HECTD4: variants seen among roughly 807,000 people sequenced by gnomAD.
HECTD4 encodes HECT domain E3 ubiquitin protein ligase 4.
A neutral mutation model predicts 471.5 loss-of-function variants in HECTD4; 114 were observed. That is an observed-to-expected ratio of 0.24 (90% CI 0.21 to 0.28). The LOEUF (loss-of-function observed/expected upper bound fraction) is 0.28, where lower values mean the gene tolerates loss of function less well. HECTD4 is among the 10% of genes least tolerant of loss of function. HECTD4 has a pLI of 1.00. For missense variants in HECTD4, 3,866 were observed against 5,651.5 expected (o/e 0.68, Z 10.13); for synonymous variants, 2,012 against 2,256.0 (o/e 0.89, Z 3.07).
Position 112,162,632 on chromosome 12 carries a change from C to T in HECTD4, c.13121-109G>A. Reference sequence around the variant, plus strand: ...GTTTGCCTCCTTGGGTAGCCCCAAGCCAATCCTGGGGCCCAGCAGGAGGGG... The same window carrying T: ...GTTTGCCTCCTTGGGTAGCCCCAAGTCAATCCTGGGGCCCAGCAGGAGGGG... On this transcript the variant is annotated intron_variant, in intron 75 of 75. Coordinates refer to ENST00000682272, the MANE Select transcript of HECTD4 (RefSeq NM_001388303.1). The surrounding 1 kb of genome is among the most constrained non-coding windows in gnomAD (Gnocchi z 5.2). 1 of 1,341,972 alleles carries T rather than the reference C, an allele frequency of 7.5e-7. No homozygotes were observed. The highest frequency in any genetic ancestry group is 1.3e-5 in the South Asian group (1 of 75,002). The allele number at this position is 1,341,972 out of a possible 1,614,324, so 83.1% of individuals were successfully genotyped here.
In HECTD4 at chr12:112,243,431, A is replaced by C; in HGVS notation, c.4880T>G (p.Leu1627Trp). The stretch of plus-strand genomic sequence containing the variant: ...CCCGACTCGTACGGCAGCTGTCAGC[A>C]ATTCCCGCATGTGCACCAGTGCCTG... Reference protein sequence around the residue: ...RKQALVHMRELLTAAVRVGGV... With the variant: ...RKQALVHMREWLTAAVRVGGV... Residue 1627 changes from leucine (L) to tryptophan (W), a missense_variant, in exon 32 of 76, where the codon TTG becomes TGG. Transcript: ENST00000682272. This position sits in a 1 kb window ranked among gnomAD's most constrained non-coding sequence, Gnocchi z 6.6. 1 of 1,611,978 alleles carries C rather than the reference A, an allele frequency of 6.2e-7. No homozygotes were observed. The highest frequency in any genetic ancestry group is 8.5e-7 in the Non-Finnish European group (1 of 1,179,090).
At chr12:112,237,166 G>T in intron 34 of HECTD4, 68 bp from the exon 35 acceptor site, 1 of 1,415,686 alleles carries the variant, frequency 7.1e-7, no homozygotes, top group Non-Finnish European at 9.4e-7. Context: ...AGCCTGAGGG[G>T]GCGGCGAGCC....
chr12:112,311,942 G>A (rs1055123679), intron 4 of HECTD4, among the ~76,000 whole-genome samples: 6 of 152,204 alleles, frequency 3.9e-5, no homozygotes, highest in Admixed American at 6.5e-5. Flanking sequence ...ACATTTAAAA[G>A]CCTTGCCGCT....
chr12:112,342,418 C>G (rs1020702593), intron 1 of HECTD4, among the ~76,000 whole-genome samples: 3 of 152,310 alleles, frequency 2.0e-5, no homozygotes, highest in Middle Eastern at 3.4e-3. Flanking sequence ...GACCGTACCA[C>G]TGCACTCCAG....
intron 44 of HECTD4, among the ~76,000 whole-genome samples, chr12:112,223,017 T>C (rs2033142231): frequency 6.6e-6 from 1 of 152,112 alleles, no homozygotes; most frequent in Admixed American, 6.6e-5. Context: ...AGCTGAGGGA[T>C]TGCTCAGTGT....
Position 112,185,272 on chromosome 12 carries a change from A to G in HECTD4, c.9694T>C (p.Ser3232Pro). Residue 3232 changes from serine to proline, a missense_variant, in exon 61 of 76, where the codon TCA (serine) becomes CCA (proline). This residue lies in a region of HECTD4 where 364 missense variants were observed against 413.2 expected (regional missense o/e 0.88). Coordinates refer to ENST00000682272, the MANE Select transcript of HECTD4 (RefSeq NM_001388303.1). ...CCGGAGCCCCCGCAGGCGCCGCCTG[A>G]GACCCAGTTCTGCGTCTCCTCGTCG... The part of the protein sequence containing the change: ...LYDEETQNWV[S>P]GGACGGSGGA... 1 of 1,551,428 alleles carries G rather than the reference A, an allele frequency of 6.4e-7. No homozygotes were observed. The highest frequency in any genetic ancestry group is 8.7e-7 in the Non-Finnish European group (1 of 1,147,092).
At chr12:112,263,157 A>G (rs1164826573) in intron 17 of HECTD4, among the ~76,000 whole-genome samples, 1 of 152,214 alleles carries the variant, frequency 6.6e-6, no homozygotes, top group East Asian at 1.9e-4. Flanking sequence ...AAGTTAAATA[A>G]ATATTATCAA....
chr12:112,251,803 C>G lies in HECTD4; in HGVS notation c.3552+621G>C, dbSNP rs146644438. On this transcript the variant is annotated intron_variant, in intron 23 of 75. Transcript: ENST00000682272. ...TTTTTTAATTTTTGAGACGGAGTCT[C>G]ACTCTATCACCCAGGCTGGAGTACA... Among the ~76,000 whole-genome samples, 1,431 of 152,286 alleles carry G rather than the reference C, an allele frequency of 9.4e-3. 24 individuals carry two copies. Among genetic ancestry groups the G allele is most frequent in the African/African-American group, 0.033 (1,360 of 41,554 alleles).
chr12:112,229,351 C>A (rs1042007718), intron 41 of HECTD4, among the ~76,000 whole-genome samples: 5 of 151,976 alleles, frequency 3.3e-5, no homozygotes, highest in Admixed American at 3.3e-4. Flanking sequence ...AACAAACAAA[C>A]AAACAAACAA....
intron 9 of HECTD4, among the ~76,000 whole-genome samples, chr12:112,276,393 G>A (rs1051203228): frequency 6.6e-6 from 1 of 151,850 alleles, no homozygotes; most frequent in African/African-American, 2.4e-5. Context: ...GAAAAAAGAG[G>A]GGGAAAAAAA....
intron 29 of HECTD4, 119 bp from the exon 30 acceptor site, chr12:112,244,128 A>T: frequency 3.1e-6 from 3 of 969,936 alleles, no homozygotes; most frequent in Non-Finnish European, 1.5e-6. Context: ...TTCAGCCACC[A>T]ATCTAGCTAG....
chr12:112,177,101 C>A (rs1218913343), intron 64 of HECTD4, among the ~76,000 whole-genome samples: 1 of 152,248 alleles, frequency 6.6e-6, no homozygotes, highest in Non-Finnish European at 1.5e-5. Flanking sequence ...TTAGGGGCTG[C>A]TGTACCCACC....
Position 112,178,939 on chromosome 12 carries a change from G to A in HECTD4, c.11355C>T (p.Asn3785=), listed in dbSNP as rs2031564216. The part of the protein sequence containing the change: ...KPPAKDKAVL[N]SVSRTALSEK... ...CTCCTTGGGGCACGCACCTGACGCT[G>A]TTGAGCACAGCCTTGTCCTTGGCGG... The change falls in exon 64 of 76, where the codon AAC becomes AAT. Residue 3785 remains asparagine (N), a synonymous_variant. Transcript: ENST00000682272. 5.6e-6 allele frequency: 9 copies of A among 1,610,760 alleles called. No homozygotes were observed. The highest frequency in any genetic ancestry group is 7.6e-6 in the Non-Finnish European group (9 of 1,178,680).
At chr12:112,205,132 CAA>C (rs397851178) in intron 52 of HECTD4, among the ~76,000 whole-genome samples, 14 of 77,698 alleles carry the variant, frequency 1.8e-4, no homozygotes, top group Admixed American at 2.8e-4. Flanking sequence ...GACTCCATCT[CAA>C]AAAAAAAAAA....
Position 112,246,948 on chromosome 12 carries a change from T to A in HECTD4, c.4466A>T (p.Gln1489Leu). The A allele has an allele frequency of 1.9e-6, 3 of 1,612,286 alleles. No individual in the cohort carries two copies. Among genetic ancestry groups the A allele is most frequent in the Non-Finnish European group, 2.5e-6 (3 of 1,179,858 alleles). Residue 1489 changes from glutamine (Q) to leucine (L), a missense_variant, in exon 29 of 76, where the codon CAG (glutamine) becomes CTG (leucine). Around this residue, in one of 16 missense-constraint regions of HECTD4, gnomAD observed 49 missense variants for 43.6 expected, o/e 1.12. Transcript: ENST00000682272. Reference protein sequence around the residue: ...ELLLHVTIAAQSGLTRSISGT... With the variant: ...ELLLHVTIAALSGLTRSISGT... ...AGAGATGCTTCTCGTGAGGCCCGAC[T>A]GGGCTGCGATGGTGACATGCAGCAA...
At chr12:112,190,749 C>T in intron 60 of HECTD4, 37 bp downstream of exon 60, 7 of 1,525,684 alleles carry the variant, frequency 4.6e-6, no homozygotes, top group Non-Finnish European at 6.2e-6. Context: ...GCTCCACCCC[C>T]ACCCTAGATT....
At chr12:112,214,037 GA>G (rs897897248) in intron 48 of HECTD4, among the ~76,000 whole-genome samples, 3 of 151,276 alleles carry the variant, frequency 2.0e-5, no homozygotes, top group Admixed American at 6.6e-5. Context: ...AAATAAAAAA[GA>G]AAAAAAATAC....
chr12:112,256,743 T>TGCCTTTTTC (rs2034019255), intron 20 of HECTD4: 1 of 350,364 alleles, frequency 2.9e-6, no homozygotes, highest in South Asian at 1.4e-4. Flanking sequence ...TTTTCTTTTT[T>TGCCTTTTTC]GCCTTTTTCC....
intron 34 of HECTD4, among the ~76,000 whole-genome samples, chr12:112,238,170 A>C (rs1020706670): frequency 5.3e-5 from 8 of 152,182 alleles, no homozygotes; most frequent in Non-Finnish European, 1.2e-4. Context: ...ATAAATAAAC[A>C]AGTTATACAC....
Sources: allele counts gnomAD v4.1 joint callset (sites outside exome capture counted in the v4.1 genomes callset), GRCh38; gene constraint gnomAD v4.1.1; regional missense constraint gnomAD v4.1.1; non-coding constraint Gnocchi (gnomAD v3.1); transcripts MANE v1.5; gene names NCBI Gene and HGNC (gene_info 2026-07-23, HGNC 2026-07-21).